Variants in BAHCC1 observed in about 807,000 individuals in gnomAD.
The protein encoded by BAHCC1 is BAH domain and coiled-coil containing 1, also known as BAH and coiled-coil domain-containing protein 1.
In BAHCC1, 43 loss-of-function variants were observed where a neutral mutation model predicts 88.2. The ratio of observed to expected loss-of-function variants is 0.49; its 90% CI spans 0.38 to 0.63. BAHCC1 has a LOEUF of 0.63. Among genes scored for constraint, BAHCC1 ranks in the 20% least tolerant of loss-of-function variants. The probability of loss-of-function intolerance (pLI) is 0.00; values close to 1 mark genes in which losing one functional copy is unlikely to be tolerated. For synonymous variants in BAHCC1, 1,510 were observed against 745.5 expected (o/e 2.03, Z -16.71); for missense variants, 3,023 against 1,654.8 (o/e 1.83, Z -14.34).
intron 2 of BAHCC1, among the ~76,000 whole-genome samples, chr17:81,408,218 T>G (rs1173891500): frequency 6.6e-6 from 1 of 152,188 alleles, no homozygotes; most frequent in African/African-American, 2.4e-5. Context: ...GCGTGGCGAA[T>G]GCCTCGGGGC....
At chr17:81,400,101 TAGAG>T (rs1245936480) in intron 2 of BAHCC1, among the ~76,000 whole-genome samples, 184 bp downstream of exon 2, 13 of 151,968 alleles carry the variant, frequency 8.6e-5, no homozygotes, top group African/African-American at 2.7e-4. Context: ...CGCCGCGGCT[TAGAG>T]AGGCCCTTCC....
At chr17:81,415,612 G>A (rs201197736) in intron 2 of BAHCC1, 11 of 501,944 alleles carry the variant, frequency 2.2e-5, no homozygotes, top group Non-Finnish European at 4.4e-5. Flanking sequence ...AGCCAACCTC[G>A]TTTTGGGAGT....
At chr17:81,452,216 C>A in intron 13 of BAHCC1, 109 bp downstream of exon 13, 1 of 511,872 alleles carries the variant, frequency 2.0e-6, no homozygotes, top group South Asian at 3.1e-5. Flanking sequence ...TGGGCTCTGC[C>A]CCCTACCTGT....
Position 81,441,876 on chromosome 17 carries a change from C to T in BAHCC1, c.527C>T (p.Pro176Leu), listed in dbSNP as rs1489770877. The T allele has an allele frequency of 1.2e-5, 8 of 671,388 alleles. No homozygotes were observed. Among genetic ancestry groups the T allele is most frequent in the Admixed American group, 6.9e-5 (3 of 43,746 alleles). The allele number at this position is 671,388 out of a possible 1,614,324, so 41.6% of individuals were successfully genotyped here. A position where few individuals can be genotyped will look rare whatever the true frequency, so the allele number is the denominator to read the frequency against. Reference sequence around the variant, plus strand: ...CTGCCGCCCCAGCCCACGCTGCTGCCGGCCAACCACAACTTCCCCAGCGTG... The same window carrying T: ...CTGCCGCCCCAGCCCACGCTGCTGCTGGCCAACCACAACTTCCCCAGCGTG... ...RNLPPQPTLL[P>L]ANHNFPSVAR... is the part of the protein sequence containing the mutation. Residue 176 changes from proline (P) to leucine (L), a missense_variant, in exon 5 of 28, where the codon CCG becomes CTG. Transcript: ENST00000675386.
intron 1 of BAHCC1, among the ~76,000 whole-genome samples, chr17:81,398,845 G>C (rs575756615): frequency 6.6e-6 from 1 of 152,178 alleles, no homozygotes; most frequent in Admixed American, 6.5e-5. Context: ...GTCCCGCTGG[G>C]GCTGGGGAGG....
Position 81,455,261 on chromosome 17 carries a change from C to T in BAHCC1, c.4446-6C>T, listed in dbSNP as rs1251094924. The T allele has an allele frequency of 1.4e-6, 1 of 714,608 alleles. No individual in the cohort carries two copies. The highest frequency in any genetic ancestry group is 2.3e-4 in the Middle Eastern group (1 of 4,342). The allele number at this position is 714,608 out of a possible 1,614,324, so 44.3% of individuals were successfully genotyped here. ...CTGCCCTGCACCCACCACCCCATGC[C>T]CCCAGGGCGGTGCGGACAAGCCTGG... On this transcript the variant is annotated splice_region_variant and splice_polypyrimidine_tract_variant and intron_variant, in intron 14 of 27. Transcript: ENST00000675386.
Position 81,459,242 on chromosome 17 carries a change from A to G in BAHCC1, c.5721-11A>G, listed in dbSNP as rs370784493. Reference sequence around the variant, plus strand: ...AGACCCGTGGCACCTCACATTCCCCAATGCCCCCAGCTATAGCATCGTCAT... The same window carrying G: ...AGACCCGTGGCACCTCACATTCCCCGATGCCCCCAGCTATAGCATCGTCAT... On this transcript the variant is annotated splice_polypyrimidine_tract_variant and intron_variant, in intron 21 of 27. Transcript: ENST00000675386. 1.8e-5 allele frequency: 14 copies of G among 778,342 alleles called. No homozygotes were observed. Among genetic ancestry groups the G allele is most frequent in the Non-Finnish European group, 2.9e-5 (12 of 417,312 alleles). The allele number at this position is 778,342 out of a possible 1,614,324, so 48.2% of individuals were successfully genotyped here. A position where few individuals can be genotyped will look rare whatever the true frequency, so the allele number is the denominator to read the frequency against.
Position 81,442,743 on chromosome 17 carries a change from T to C in BAHCC1, c.1394T>C (p.Leu465Pro). ...TTTGAGGCGGCCCTCAACCCCCGGC[T>C]AAAGGGCCTCGACTATCTCAGCAGC... ...GGFEAALNPRLKGLDYLSSAG... is the reference protein window; with the variant it reads ...GGFEAALNPRPKGLDYLSSAG... Residue 465 changes from leucine to proline, a missense_variant, in exon 5 of 28, where the codon CTA (leucine) becomes CCA (proline). Physicochemically the swap from Leu to Pro is moderately conservative, Grantham distance 98 (BLOSUM62 -3). Coordinates refer to ENST00000675386, the MANE Select transcript of BAHCC1 (RefSeq NM_001377448.1). The C allele has an allele frequency of 2.6e-6, 2 of 778,554 alleles. No homozygotes were observed. The highest frequency in any genetic ancestry group is 2.7e-5 in the South Asian group (2 of 74,552). The allele number at this position is 778,554 out of a possible 1,614,324, so 48.2% of individuals were successfully genotyped here.
chr17:81,425,341 T>A (rs1415593480), intron 2 of BAHCC1, among the ~76,000 whole-genome samples: 3 of 136,480 alleles, frequency 2.2e-5, no homozygotes, highest in Admixed American at 7.5e-5. Flanking sequence ...TGGTGGGTGA[T>A]GTGGTTGGTG....
At chr17:81,417,559 C>CCCA (rs2064049789) in intron 2 of BAHCC1, among the ~76,000 whole-genome samples, 1 of 98,608 alleles carries the variant, frequency 1.0e-5, no homozygotes. Context: ...TCGGCCACCC[C>CCCA]CCCCCCGCCC....
At chr17:81,398,503 G>A (rs2063768932) in intron 1 of BAHCC1, among the ~76,000 whole-genome samples, 2 of 152,230 alleles carry the variant, frequency 1.3e-5, no homozygotes, top group Admixed American at 1.3e-4. Context: ...GGTACTGCCC[G>A]GAGCGGAGAC....
rs554357521 is a variant in BAHCC1, at chr17:81,442,348, C to T, written c.999C>T (p.Ala333=). The T allele has an allele frequency of 2.9e-6, 2 of 699,060 alleles. No individual in the cohort carries two copies. Among genetic ancestry groups the T allele is most frequent in the African/African-American group, 1.8e-5 (1 of 56,360 alleles). The allele number at this position is 699,060 out of a possible 1,614,324, so 43.3% of individuals were successfully genotyped here. A position where few individuals can be genotyped will look rare whatever the true frequency, so the allele number is the denominator to read the frequency against. The change falls in exon 5 of 28, where the codon GCC becomes GCT. Residue 333 remains alanine (A), a synonymous_variant. Coordinates refer to ENST00000675386, the MANE Select transcript of BAHCC1 (RefSeq NM_001377448.1). The stretch of plus-strand genomic sequence containing the variant: ...CAGGCCCCCCGGAGCCCGGGCCGGC[C>T]TTCAGCGAGTGCCTGGAGCGGCGGC... ...EAAGPPEPGP[A]FSECLERRQM...
At chr17:81,444,271 A>G in intron 6 of BAHCC1, 110 bp from the exon 7 acceptor site, 1 of 613,450 alleles carries the variant, frequency 1.6e-6, no homozygotes, top group Non-Finnish European at 2.9e-6. Flanking sequence ...AGGCATTGGC[A>G]CCGTTGGTGG....
At chr17:81,446,933 G>T (rs78506412) in intron 10 of BAHCC1, 103 bp from the exon 11 acceptor site, 5 of 715,782 alleles carry the variant, frequency 7.0e-6, no homozygotes, top group Middle Eastern at 2.3e-4. Context: ...CCTTCCGCAC[G>T]GGCTTGGGTC....
rs782347442 is a variant in BAHCC1 at position 81,445,467 on chromosome 17, C to T, written c.2949C>T (p.Pro983=). ...CCACGGCCCCGGGCGCCCCCTCACCCGCTGCAGGCCCCACCAAGCTGCCAC... is the reference window on the plus strand; with the variant it reads ...CCACGGCCCCGGGCGCCCCCTCACCTGCTGCAGGCCCCACCAAGCTGCCAC... ...LTPTAPGAPS[P]AAGPTKLPPC... Residue 983 remains proline (P), a synonymous_variant, in exon 10 of 28, where the codon CCC becomes CCT. Coordinates refer to ENST00000675386, the MANE Select transcript of BAHCC1 (RefSeq NM_001377448.1). 1.6e-5 allele frequency: 12 copies of T among 756,618 alleles called. No homozygotes were observed. Among genetic ancestry groups the T allele is most frequent in the South Asian group, 7.0e-5 (5 of 70,972 alleles). The allele number at this position is 756,618 out of a possible 1,614,324, so 46.9% of individuals were successfully genotyped here.
At chr17:81,429,850 C>T (rs2064240343) in intron 3 of BAHCC1, among the ~76,000 whole-genome samples, 1 of 152,230 alleles carries the variant, frequency 6.6e-6, no homozygotes, top group African/African-American at 2.4e-5. Flanking sequence ...ACCCCCCATG[C>T]CAAGCGGGGC....
chr17:81,418,600 G>A (rs778916046), intron 2 of BAHCC1, among the ~76,000 whole-genome samples: 30 of 152,140 alleles, frequency 2.0e-4, no homozygotes, highest in Non-Finnish European at 3.7e-4. Context: ...TTTGCACAGC[G>A]GAGGCCAAGA....
Position 81,411,518 on chromosome 17 carries a change from T to TCCTG in BAHCC1, c.178+11604_178+11605insGCCT, listed in dbSNP as rs1567998090. ...TGCCTGCCTGCCTGCCTGCCTGCCT[T>TCCTG]CCTTCCTTCCTTCCTTCCTTCCTTC... On this transcript the variant is annotated intron_variant, in intron 2 of 27. Coordinates refer to ENST00000675386, the MANE Select transcript of BAHCC1 (RefSeq NM_001377448.1). This position sits in a 1 kb window ranked among gnomAD's most constrained non-coding sequence, Gnocchi z 6.2. The TCCTG allele has an allele frequency of 2.4e-5, 2 of 81,700 alleles. No individual in the cohort carries two copies. The highest frequency in any genetic ancestry group is 5.3e-4 in the East Asian group (1 of 1,896). The allele number at this position is 81,700 out of a possible 1,614,324, so 5.1% of individuals were successfully genotyped here.
intron 11 of BAHCC1, among the ~76,000 whole-genome samples, chr17:81,450,378 C>A (rs75128372): frequency 0.066 from 10,084 of 152,254 alleles, 394 homozygotes; most frequent in Middle Eastern, 0.13. Flanking sequence ...GGGCCCGACC[C>A]TGCATGGACG....
Sources: gnomAD v4.1 joint callset for allele counts (sites outside exome capture counted in the v4.1 genomes callset) on GRCh38, gnomAD v4.1.1 for gene constraint, Gnocchi (gnomAD v3.1) non-coding constraint, MANE v1.5 for transcripts, NCBI Gene and HGNC (gene_info 2026-07-23, HGNC 2026-07-21) for gene names.